Variants in ZBTB11 observed in about 807,000 individuals in gnomAD.
ZBTB11 encodes zinc finger and BTB domain-containing protein 11.
A neutral mutation model predicts 113.1 loss-of-function variants in ZBTB11; 68 were observed. The ratio of observed to expected loss-of-function variants is 0.60; its 90% CI spans 0.49 to 0.74. ZBTB11 has a LOEUF of 0.74. Ranked by LOEUF, ZBTB11 falls within the 30% of genes least tolerant of loss-of-function variation. The pLI is 0.00. For synonymous variants in ZBTB11, 518 were observed against 452.6 expected (o/e 1.14, Z -1.83); for missense variants, 1,104 against 1,279.4 (o/e 0.86, Z 2.09).
chr3:101,654,344 T>C (rs1257537960), intron 8 of ZBTB11, among the ~76,000 whole-genome samples: 2 of 152,094 alleles, frequency 1.3e-5, no homozygotes, highest in African/African-American at 4.8e-5. Context: ...CCTGTCCCGA[T>C]TAATTTTACG....
chr3:101,665,608 C>T lies in ZBTB11; in HGVS notation c.979G>A (p.Val327Ile). ...TVYKKGEVQT[V>I]ASTQDLRVQN... ...ACTCGTAAGTCCTGGGTGGATGCAA[C>T]TGTTTGTACTTCGCCCTTCTTATAT... is the stretch of plus-strand genomic sequence containing the variant. Residue 327 changes from valine (V) to isoleucine (I), a missense_variant, in exon 4 of 11, where the codon GTT becomes ATT. This residue lies in a region of ZBTB11 where 535 missense variants were observed against 518.6 expected (regional missense o/e 1.03). Transcript: ENST00000312938. 1.2e-6 allele frequency: 2 copies of T among 1,614,232 alleles called. No individual in the cohort carries two copies. The highest frequency in any genetic ancestry group is 1.6e-4 in the Middle Eastern group (1 of 6,062).
In ZBTB11 at chr3:101,676,672, A is replaced by C; in HGVS notation, c.243T>G (p.Gly81=). The change falls in exon 1 of 11, where the codon GGT becomes GGG. Residue 81 remains glycine (G), a synonymous_variant. Coordinates refer to ENST00000312938, the MANE Select transcript of ZBTB11 (RefSeq NM_014415.4). The part of the protein sequence containing the change: ...RRDLIEAAHL[G]PGGTHHTRHQ... ...GCCGGGTGTGGTGAGTGCCGCCGGG[A>C]CCCAGGTGCGCCGCCTCGATGAGGT... The C allele has an allele frequency of 1.3e-6, 2 of 1,593,080 alleles. No homozygotes were observed. The highest frequency in any genetic ancestry group is 1.7e-6 in the Non-Finnish European group (2 of 1,168,416).
chr3:101,651,592 C>A lies in ZBTB11; in HGVS notation c.2736G>T (p.Arg912=), dbSNP rs754966775. The part of the protein sequence containing the change: ...KRHVRTHTGE[R]PYVCPVCSEA... ...CGCTACATACAGGACAGACATAGGGCCGTTCACCAGTATGTGTTCTGACAT... is the reference window on the plus strand; with the variant it reads ...CGCTACATACAGGACAGACATAGGGACGTTCACCAGTATGTGTTCTGACAT... Residue 912 remains arginine (R), a synonymous_variant, in exon 11 of 11, where the codon CGG becomes CGT. Coordinates refer to ENST00000312938, the MANE Select transcript of ZBTB11 (RefSeq NM_014415.4). 2 of 1,613,706 alleles carry A rather than the reference C, an allele frequency of 1.2e-6. No homozygotes were observed. The highest frequency in any genetic ancestry group is 1.7e-6 in the Non-Finnish European group (2 of 1,179,978).
intron 3 of ZBTB11, 51 bp downstream of exon 3, chr3:101,671,079 C>G (rs1170696214): frequency 6.7e-7 from 1 of 1,489,958 alleles, no homozygotes; most frequent in African/African-American, 1.4e-5. Context: ...ATATCCCCCT[C>G]TTCTAGAATG....
rs1430403448 is a variant in ZBTB11 at position 101,676,944 on chromosome 3, T to A, written c.-30A>T. 1.3e-6 allele frequency: 2 copies of A among 1,533,336 alleles called. No homozygotes were observed. The highest frequency in any genetic ancestry group is 2.5e-5 in the South Asian group (2 of 80,212). 95.0% of individuals were successfully genotyped at this position (1,533,336 alleles called of 1,614,324 possible). On this transcript the variant is annotated 5_prime_UTR_variant, in exon 1 of 11. Transcript: ENST00000312938. ...GACCGCGGCTCCCTGAGGGCGCCTG[T>A]CAGGGACAGGTGAGGAAAACGGCCC... is the stretch of plus-strand genomic sequence containing the variant.
chr3:101,654,916 C>T (rs1936768994), intron 7 of ZBTB11, 95 bp from the exon 8 acceptor site: 2 of 915,030 alleles, frequency 2.2e-6, no homozygotes, highest in Non-Finnish European at 3.5e-6. Flanking sequence ...CTCTGTTGCC[C>T]AGGTTGGATG....
Position 101,654,742 on chromosome 3 carries a change from G to A in ZBTB11, c.2271C>T (p.His757=). 1.9e-6 allele frequency: 3 copies of A among 1,614,154 alleles called. No homozygotes were observed. Among genetic ancestry groups the A allele is most frequent in the African/African-American group, 1.3e-5 (1 of 75,046 alleles). The stretch of plus-strand genomic sequence containing the variant: ...AGCCTCGAACCTCAGGCTTTGGTTG[G>A]TGTTTCTTGAAGTGCTTGCTGAGTC... ...GSGLSKHFKK[H]QPKPEVRGYH... Residue 757 remains histidine, a synonymous_variant, in exon 8 of 11, where the codon CAC becomes CAT. Coordinates refer to ENST00000312938, the MANE Select transcript of ZBTB11 (RefSeq NM_014415.4).
intron 3 of ZBTB11, among the ~76,000 whole-genome samples, chr3:101,667,601 G>A (rs907225242): frequency 9.2e-5 from 14 of 152,122 alleles, no homozygotes; most frequent in Admixed American, 2.0e-4. Context: ...AAAAAACTGA[G>A]GGGACTCCCC....
At chr3:101,671,436 C>G (rs1576652800) in intron 2 of ZBTB11, 75 bp from the exon 3 acceptor site, 1 of 1,028,460 alleles carries the variant, frequency 9.7e-7, no homozygotes, top group East Asian at 2.4e-5. Context: ...TAAAACAAGA[C>G]ACATTACATA....
intron 1 of ZBTB11, among the ~76,000 whole-genome samples, chr3:101,672,898 A>G (rs1937105742): frequency 2.0e-5 from 3 of 152,230 alleles, no homozygotes; most frequent in Non-Finnish European, 4.4e-5. Context: ...CCCCTCTCAC[A>G]AAGAACAGCA....
At chr3:101,667,531 G>A (rs1469411723) in intron 3 of ZBTB11, among the ~76,000 whole-genome samples, 5 of 152,116 alleles carry the variant, frequency 3.3e-5, no homozygotes, top group African/African-American at 7.2e-5. Context: ...AAGAACCCAC[G>A]AAGGATGAAC....
chr3:101,659,082 T>TA (rs1222271332), intron 6 of ZBTB11, among the ~76,000 whole-genome samples: 1 of 151,902 alleles, frequency 6.6e-6, no homozygotes, highest in African/African-American at 2.4e-5. Context: ...CCACAAAATT[T>TA]AAAAAAATTA....
At chr3:101,660,127 A>G in intron 5 of ZBTB11, 99 bp from the exon 6 acceptor site, 1 of 1,189,282 alleles carries the variant, frequency 8.4e-7, no homozygotes, top group East Asian at 2.5e-5. Flanking sequence ...ACAATTATAT[A>G]AATCAATAAA....
chr3:101,677,011 G>A lies in ZBTB11; in HGVS notation c.-97C>T. 1 of 1,358,086 alleles carries A rather than the reference G, an allele frequency of 7.4e-7. No homozygotes were observed. The highest frequency in any genetic ancestry group is 9.8e-7 in the Non-Finnish European group (1 of 1,018,922). 84.1% of individuals were successfully genotyped at this position (1,358,086 alleles called of 1,614,324 possible). A position where few individuals can be genotyped will look rare whatever the true frequency, so the allele number is the denominator to read the frequency against. On this transcript the variant is annotated 5_prime_UTR_variant, in exon 1 of 11. Coordinates refer to ENST00000312938, the MANE Select transcript of ZBTB11 (RefSeq NM_014415.4). ...TGCAGGAGGAGCGGCGGCACCGTAGGGAGAAACGGCTGCGCCTTTGGCGAG... is the reference window on the plus strand; with the variant it reads ...TGCAGGAGGAGCGGCGGCACCGTAGAGAGAAACGGCTGCGCCTTTGGCGAG...
chr3:101,665,429 G>A lies in ZBTB11; in HGVS notation c.1158C>T (p.Pro386=). ...CAGATTCAGCCTCTGAAGAAACCTG[G>A]GGCTCAGGCTGTCGTCCTACCTCTC... ...QNGEVGRQPE[P]QVSSEAESAL... Residue 386 remains proline (P), a synonymous_variant, in exon 4 of 11, where the codon CCC becomes CCT. Coordinates refer to ENST00000312938, the MANE Select transcript of ZBTB11 (RefSeq NM_014415.4). 1 of 1,614,082 alleles carries A rather than the reference G, an allele frequency of 6.2e-7. No homozygotes were observed. Among genetic ancestry groups the A allele is most frequent in the Middle Eastern group, 1.6e-4 (1 of 6,062 alleles).
chr3:101,668,810 G>A (rs879689399), intron 3 of ZBTB11, among the ~76,000 whole-genome samples: 8 of 151,634 alleles, frequency 5.3e-5, no homozygotes, highest in Non-Finnish European at 8.8e-5. Flanking sequence ...TAAAAGGAGC[G>A]AGCCTCTCTG....
Position 101,664,464 on chromosome 3 carries a change from G to C in ZBTB11, c.1800+74C>G. The C allele has an allele frequency of 2.1e-6, 3 of 1,411,078 alleles. No individual in the cohort carries two copies. In the Admixed American group the frequency reaches 7.1e-5, roughly 33 times the overall value. 87.4% of individuals were successfully genotyped at this position (1,411,078 alleles called of 1,614,324 possible). A position where few individuals can be genotyped will look rare whatever the true frequency, so the allele number is the denominator to read the frequency against. The stretch of plus-strand genomic sequence containing the variant: ...ATAAGACATAGAATACAAGCGAAAA[G>C]ATAACCATGCAGTAAGTTGGATTCT... On this transcript the variant is annotated intron_variant, in intron 5 of 10. Transcript: ENST00000312938.
In ZBTB11 at chr3:101,671,110, G is replaced by C. The variant is rs565969762; in HGVS notation, c.778+20C>G. The C allele has an allele frequency of 1.3e-6, 2 of 1,593,696 alleles. No individual in the cohort carries two copies. The highest frequency in any genetic ancestry group is 2.2e-5 in the South Asian group (2 of 90,536). ...GAATGTCATTACAAACAAAAAGCAAGAGTAATACAAAACCCTTACCAGAAA... is the reference window on the plus strand; with the variant it reads ...GAATGTCATTACAAACAAAAAGCAACAGTAATACAAAACCCTTACCAGAAA... On this transcript the variant is annotated intron_variant, in intron 3 of 10. Transcript: ENST00000312938.
At chr3:101,665,915 T>C (rs1339078839) in intron 3 of ZBTB11, 107 bp from the exon 4 acceptor site, 7 of 1,124,850 alleles carry the variant, frequency 6.2e-6, no homozygotes, top group South Asian at 1.7e-5. Context: ...GACCATTTGT[T>C]CTGCAACTAA....
Sources: allele counts gnomAD v4.1 joint callset (sites outside exome capture counted in the v4.1 genomes callset), GRCh38; gene constraint gnomAD v4.1.1; regional missense constraint gnomAD v4.1.1; transcripts MANE v1.5; gene names NCBI Gene and HGNC (gene_info 2026-07-23, HGNC 2026-07-21).